The following UNC80 variants were observed in gnomAD, a reference collection of about 807,000 sequenced individuals.
The protein encoded by UNC80 is unc-80 subunit of NALCN channel complex.
A neutral mutation model predicts 384.6 loss-of-function variants in UNC80; 164 were observed. The ratio of observed to expected loss-of-function variants is 0.43; its 90% confidence interval spans 0.38 to 0.49. The LOEUF is 0.49. UNC80 is among the 20% of genes least tolerant of loss of function. UNC80 has a pLI of 0.00. For missense variants in UNC80, 3,330 were observed against 4,143.0 expected (o/e 0.80, Z 5.39); for synonymous variants, 1,486 against 1,527.8 (o/e 0.97, Z 0.64).
rs113341148 is a variant in UNC80 at position 209,915,148 on chromosome 2, G to T, written c.5029+1208G>T. On this transcript the variant is annotated intron_variant, in intron 31 of 64. Coordinates refer to ENST00000673920, the MANE Select transcript of UNC80 (RefSeq NM_001371986.1). ...TAGAAGTTAGCCAGGAAGGGAAGAT[G>T]GTGTGTGCAAAACTGGGAGGCCGAG... 2.5e-3 allele frequency among the ~76,000 whole-genome samples: 385 copies of T among 151,716 alleles called. 1 individual carries two copies. The highest frequency in any genetic ancestry group is 8.9e-3 in the African/African-American group (371 of 41,462).
intron 9 of UNC80, among the ~76,000 whole-genome samples, chr2:209,816,086 C>T (rs1457781962): frequency 6.6e-6 from 1 of 152,102 alleles, no homozygotes; most frequent in African/African-American, 2.4e-5. Flanking sequence ...CAGTTTTCTG[C>T]CTTTGTTAAT....
At chr2:209,988,145 C>A (rs894551133) in intron 61 of UNC80, among the ~76,000 whole-genome samples, 4 of 152,262 alleles carry the variant, frequency 2.6e-5, no homozygotes, top group South Asian at 2.1e-4. Context: ...TAGTCTACTG[C>A]GTATTTCCCT....
intron 30 of UNC80, 90 bp downstream of exon 30, chr2:209,912,757 C>A: frequency 2.3e-6 from 2 of 866,022 alleles, no homozygotes; most frequent in Non-Finnish European, 3.6e-6. Flanking sequence ...GGACATACAA[C>A]ATCAGTTGGT....
rs2079652254 is a variant in UNC80, at chr2:209,815,308, T to C, written c.1252T>C (p.Phe418Leu). 1 of 1,551,372 alleles carries C rather than the reference T, an allele frequency of 6.4e-7. No homozygotes were observed. The highest frequency in any genetic ancestry group is 8.7e-7 in the Non-Finnish European group (1 of 1,146,720). The change falls in exon 9 of 65, where the codon TTT becomes CTT. Residue 418 changes from phenylalanine (F) to leucine (L), a missense_variant. Phe to Leu is a conservative substitution (Grantham distance 22). Coordinates refer to ENST00000673920, the MANE Select transcript of UNC80 (RefSeq NM_001371986.1). ...EEEKSLSSEA[F>L]SKVSLTNLRR... ...GGAAAAATCTCTTAGCTCTGAGGCC[T>C]TTTCCAAGGTTTCACTGACCAATCT... is the stretch of plus-strand genomic sequence containing the variant.
rs78698604 is a variant in UNC80 at position 209,893,426 on chromosome 2, C to T, written c.4277-737C>T. 8.8e-3 allele frequency among the ~76,000 whole-genome samples: 1,346 copies of T among 152,180 alleles called. 20 individuals are homozygous for T. Among genetic ancestry groups the T allele is most frequent in the African/African-American group, 0.031 (1,293 of 41,522 alleles). ...CAAGTTTAAATGCATTTCTTTTACC[C>T]GTTTATTTTCCTCACTGATTACTAT... On this transcript the variant is annotated intron_variant, in intron 26 of 64. Transcript: ENST00000673920.
At chr2:209,909,872 C>T (rs969248691) in intron 29 of UNC80, among the ~76,000 whole-genome samples, 2 of 151,956 alleles carry the variant, frequency 1.3e-5, no homozygotes, top group African/African-American at 4.8e-5. Flanking sequence ...ATAACTGCCT[C>T]CCATTGAACA....
intron 26 of UNC80, among the ~76,000 whole-genome samples, chr2:209,889,152 A>G (rs766996179): frequency 1.6e-4 from 24 of 152,316 alleles, no homozygotes; most frequent in Middle Eastern, 3.4e-3. Context: ...TGAAGTTTTT[A>G]TATTTGATTT....
chr2:209,877,351 C>A (rs2084871672), intron 23 of UNC80, among the ~76,000 whole-genome samples: 1 of 152,052 alleles, frequency 6.6e-6, no homozygotes, highest in South Asian at 2.1e-4. Flanking sequence ...TATTAAAACT[C>A]ATATTTCTAA....
At chr2:209,968,901 C>A (rs939821478) in intron 52 of UNC80, 1 of 152,180 alleles carries the variant, frequency 6.6e-6, no homozygotes, top group Admixed American at 6.5e-5. Context: ...GATTTAAATT[C>A]ATTAGGTGAT....
intron 25 of UNC80, among the ~76,000 whole-genome samples, chr2:209,887,335 G>A (rs1055417437): frequency 6.6e-6 from 1 of 151,970 alleles, no homozygotes; most frequent in African/African-American, 2.4e-5. Context: ...CACCGAGCCC[G>A]GCCCCTCCAT....
At chr2:209,772,647 C>T (rs1424896424) in intron 1 of UNC80, among the ~76,000 whole-genome samples, 1 of 152,100 alleles carries the variant, frequency 6.6e-6, no homozygotes, top group African/African-American at 2.4e-5. Flanking sequence ...AAGGGACCTT[C>T]CCCCACAACC....
At chr2:209,905,273 A>G (rs1465618650) in intron 29 of UNC80, among the ~76,000 whole-genome samples, 6 of 152,220 alleles carry the variant, frequency 3.9e-5, no homozygotes, top group African/African-American at 1.2e-4. Flanking sequence ...AGACATTCAC[A>G]TCCTAATCTC....
rs2076591951 is a variant in UNC80, at chr2:209,771,860, G to T, written c.-213G>T. 5.4e-6 allele frequency: 3 copies of T among 550,586 alleles called. No individual in the cohort carries two copies. Among genetic ancestry groups the T allele is most frequent in the Non-Finnish European group, 6.7e-6 (2 of 299,642 alleles). 34.1% of individuals were successfully genotyped at this position (550,586 alleles called of 1,614,324 possible). On this transcript the variant is annotated 5_prime_UTR_variant, in exon 1 of 65. Coordinates refer to ENST00000673920, the MANE Select transcript of UNC80 (RefSeq NM_001371986.1). ...CCGAGCGCCCCCCTCCTCGCTCCGC[G>T]GCTCCTCCAGCCCTCCCCTCCTCCC... is the stretch of plus-strand genomic sequence containing the variant.
chr2:209,969,469 A>G (rs187980923), intron 52 of UNC80: 8 of 348,892 alleles, frequency 2.3e-5, no homozygotes, highest in African/African-American at 1.3e-4. Flanking sequence ...TCAGTTTTCT[A>G]TGATGGTAGT....
chr2:209,882,289 C>T (rs181058878), intron 25 of UNC80, among the ~76,000 whole-genome samples: 1 of 152,142 alleles, frequency 6.6e-6, no homozygotes, highest in African/African-American at 2.4e-5. Context: ...TTAAACCAAA[C>T]TCGGCATGAG....
At chr2:209,947,000 C>G (rs2091943457) in intron 47 of UNC80, among the ~76,000 whole-genome samples, 1 of 152,150 alleles carries the variant, frequency 6.6e-6, no homozygotes, top group Non-Finnish European at 1.5e-5. Flanking sequence ...TCTTCTGGAG[C>G]AATGGGGAGA....
At position 209,948,294 on chromosome 2, in the gene UNC80, A is replaced by T. The variant is rs1298558421; in HGVS notation, c.7286+2351A>T. ...GGTTTCAATTTTCATTCCCACCAACAGTATGTAAATGTTCTAGTACCCTAT... is the reference window on the plus strand; with the variant it reads ...GGTTTCAATTTTCATTCCCACCAACTGTATGTAAATGTTCTAGTACCCTAT... On this transcript the variant is annotated intron_variant, in intron 47 of 64. Transcript: ENST00000673920. Among the ~76,000 whole-genome samples the T allele has an allele frequency of 3.3e-5, 5 of 152,260 alleles. No homozygotes were observed. The Middle Eastern group carries it at 0.014, about 414-fold the overall frequency.
At chr2:209,937,738 C>A in intron 42 of UNC80, 108 bp downstream of exon 42, 1 of 805,268 alleles carries the variant, frequency 1.2e-6, no homozygotes, top group South Asian at 1.6e-5. Context: ...TTGACCCTCT[C>A]TGGAGACAGT....
At chr2:209,981,000 G>C (rs78383041) in intron 59 of UNC80, among the ~76,000 whole-genome samples, 2,807 of 152,196 alleles carry the variant, frequency 0.018, 101 homozygotes, top group African/African-American at 0.064. Context: ...TCTATAACAA[G>C]AATCAATTTT....
Sources: gnomAD v4.1 joint callset for allele counts (sites outside exome capture counted in the v4.1 genomes callset) on GRCh38, gnomAD v4.1.1 for gene constraint, MANE v1.5 for transcripts, NCBI Gene and HGNC (gene_info 2026-07-23, HGNC 2026-07-21) for gene names.